The following NXPH1 variants were observed in gnomAD, a reference collection of about 807,000 sequenced individuals.
NXPH1 encodes neurexophilin 1, also known as neurexophilin-1.
Under a neutral mutation model 23.7 loss-of-function variants are expected in NXPH1, and 5 were observed. The observed-to-expected ratio is 0.21, with a 90% CI of 0.11 to 0.44. NXPH1 has a LOEUF of 0.44. Ranked by LOEUF, NXPH1 falls within the 20% of genes least tolerant of loss-of-function variation. NXPH1 has a pLI of 0.99. For missense variants in NXPH1, 324 were observed against 321.6 expected, an observed-to-expected ratio of 1.01 and a Z score of -0.06; for synonymous variants, 144 against 122.2, an observed-to-expected ratio of 1.18 and a Z score of -1.18.
chr7:8,603,926 A>T (rs1819418880), intron 2 of NXPH1, among the ~76,000 whole-genome samples: 1 of 152,166 alleles, frequency 6.6e-6, no homozygotes, highest in Non-Finnish European at 1.5e-5. Flanking sequence ...TAATTCTGCT[A>T]AAAATATCAA....
At chr7:8,580,443 C>A (rs1818843359) in intron 2 of NXPH1, among the ~76,000 whole-genome samples, 1 of 152,096 alleles carries the variant, frequency 6.6e-6, no homozygotes, top group Non-Finnish European at 1.5e-5. Context: ...GAGACTGCTT[C>A]CTCAGGCAAG....
intron 2 of NXPH1, among the ~76,000 whole-genome samples, chr7:8,544,331 G>T (rs1818168869): frequency 6.6e-6 from 1 of 151,486 alleles, no homozygotes; most frequent in Non-Finnish European, 1.5e-5. Flanking sequence ...CTCACTCATT[G>T]CCAGGAGCAC....
chr7:8,482,849 A>G (rs1817097566), intron 2 of NXPH1, among the ~76,000 whole-genome samples: 3 of 152,220 alleles, frequency 2.0e-5, no homozygotes, highest in Admixed American at 1.3e-4. Context: ...TGTCTTGGAT[A>G]GAATGGTTAG....
At chr7:8,669,454 C>T (rs1820832045) in intron 2 of NXPH1, among the ~76,000 whole-genome samples, 1 of 151,612 alleles carries the variant, frequency 6.6e-6, no homozygotes, top group South Asian at 2.1e-4. Flanking sequence ...GCTTGGGGGA[C>T]AGTATGAAGC....
intron 2 of NXPH1, among the ~76,000 whole-genome samples, chr7:8,667,461 G>GC (rs796863874): frequency 6.9e-6 from 1 of 145,592 alleles, no homozygotes; most frequent in Non-Finnish European, 1.5e-5. Flanking sequence ...TTGGTTGACA[G>GC]TTTTTTTTTT....
chr7:8,441,482 T>A (rs1816297298), intron 2 of NXPH1, among the ~76,000 whole-genome samples: 1 of 152,102 alleles, frequency 6.6e-6, no homozygotes, highest in African/African-American at 2.4e-5. Flanking sequence ...AAACCAAAGC[T>A]TGGCAAGCAC....
intron 2 of NXPH1, among the ~76,000 whole-genome samples, chr7:8,440,410 C>A (rs552169361): frequency 1.3e-5 from 2 of 152,244 alleles, no homozygotes; most frequent in African/African-American, 2.4e-5. Flanking sequence ...ACTTTCTCAG[C>A]GGTATTTTTT....
chr7:8,451,201 CAG>C (rs756073988), intron 2 of NXPH1, among the ~76,000 whole-genome samples: 3 of 150,104 alleles, frequency 2.0e-5, no homozygotes, highest in Non-Finnish European at 4.4e-5. Flanking sequence ...ATCCTGATAA[CAG>C]AGTGCAGCCA....
At chr7:8,453,496 C>G (rs1021833887) in intron 2 of NXPH1, among the ~76,000 whole-genome samples, 5 of 152,082 alleles carry the variant, frequency 3.3e-5, no homozygotes, top group African/African-American at 4.8e-5. Context: ...AGTATATGAA[C>G]AAATACGCTC....
At chr7:8,437,948 C>G (rs891218964) in intron 2 of NXPH1, among the ~76,000 whole-genome samples, 1 of 152,224 alleles carries the variant, frequency 6.6e-6, no homozygotes. Flanking sequence ...TTTCTCCAAT[C>G]TAAAGTACTT....
intron 2 of NXPH1, among the ~76,000 whole-genome samples, chr7:8,445,996 T>G (rs933476117): frequency 1.3e-5 from 2 of 152,248 alleles, no homozygotes; most frequent in African/African-American, 4.8e-5. Context: ...CTTGTAACCT[T>G]GTAGCTGGAT....
At position 8,479,488 on chromosome 7, in the gene NXPH1, T is replaced by C. The variant is rs545416978; in HGVS notation, c.54+43721T>C. ...AGTAAGAGTATGAACTCAAGACGTC[T>C]TTCATATGTATAAATGTATATCTTT... On this transcript the variant is annotated intron_variant, in intron 2 of 2. Transcript: ENST00000405863. Among the ~76,000 whole-genome samples the C allele has an allele frequency of 3.3e-5, 5 of 152,286 alleles. No homozygotes were observed. The South Asian group carries it at 1.0e-3, about 32-fold the overall frequency.
chr7:8,747,403 G>A (rs1229495281), intron 2 of NXPH1, among the ~76,000 whole-genome samples: 1 of 152,126 alleles, frequency 6.6e-6, no homozygotes, highest in Admixed American at 6.5e-5. Context: ...ACTTCCACAA[G>A]TTTTACTTTC....
chr7:8,496,331 A>T (rs1416193674), intron 2 of NXPH1, among the ~76,000 whole-genome samples: 1 of 151,992 alleles, frequency 6.6e-6, no homozygotes, highest in Non-Finnish European at 1.5e-5. Flanking sequence ...TTCCTTCCTC[A>T]TTGTTTTCCA....
At chr7:8,612,216 T>C (rs1460894010) in intron 2 of NXPH1, among the ~76,000 whole-genome samples, 3 of 151,790 alleles carry the variant, frequency 2.0e-5, no homozygotes, top group Non-Finnish European at 4.4e-5. Flanking sequence ...CTCTTTCTTT[T>C]TCTTTCTTTT....
At chr7:8,441,114 G>A (rs943364013) in intron 2 of NXPH1, among the ~76,000 whole-genome samples, 3 of 152,052 alleles carry the variant, frequency 2.0e-5, no homozygotes, top group Admixed American at 1.3e-4. Context: ...GTCCGTTAGG[G>A]GCTTCAGATC....
chr7:8,437,412 A>AT (rs1447944820), intron 2 of NXPH1, among the ~76,000 whole-genome samples: 4 of 151,498 alleles, frequency 2.6e-5, no homozygotes, highest in Non-Finnish European at 5.9e-5. Flanking sequence ...GGGGGAGGTA[A>AT]TTTTAAGGAT....
intron 2 of NXPH1, among the ~76,000 whole-genome samples, chr7:8,526,158 G>A (rs1349005475): frequency 1.3e-5 from 2 of 152,250 alleles, no homozygotes; most frequent in African/African-American, 4.8e-5. Context: ...AGCGTGAGCT[G>A]GATGTGAGAT....
At chr7:8,548,643 A>C (rs918362103) in intron 2 of NXPH1, among the ~76,000 whole-genome samples, 1 of 151,526 alleles carries the variant, frequency 6.6e-6, no homozygotes, top group African/African-American at 2.4e-5. Flanking sequence ...TTAGTATTAT[A>C]CAGGGGTTGA....
Sources: allele counts gnomAD v4.1 joint callset (sites outside exome capture counted in the v4.1 genomes callset), GRCh38; gene constraint gnomAD v4.1.1; transcripts MANE v1.5; gene names NCBI Gene and HGNC (gene_info 2026-07-23, HGNC 2026-07-21).